Variants in HMCN1 observed in about 807,000 individuals in gnomAD.
HMCN1 encodes the protein hemicentin 1, also known as hemicentin-1.
HMCN1 carries 321 observed loss-of-function variants against 625.9 expected under a neutral mutation model. The observed-to-expected ratio is 0.51, with a 90% CI of 0.47 to 0.56. HMCN1 has a LOEUF of 0.56. Among genes scored for constraint, HMCN1 ranks in the 20% least tolerant of loss-of-function variants. HMCN1 has a pLI of 0.00. For missense variants in HMCN1, 6,588 were observed against 6,887.3 expected (o/e 0.96, Z 1.54); for synonymous variants, 2,425 against 2,417.6 (o/e 1.00, Z -0.09).
At chr1:185,836,535 A>G (rs141998332) in intron 1 of HMCN1, among the ~76,000 whole-genome samples, 1 of 152,094 alleles carries the variant, frequency 6.6e-6, no homozygotes, top group South Asian at 2.1e-4. Flanking sequence ...GTTTTTAACC[A>G]TTTCTCCATT....
intron 68 of HMCN1, among the ~76,000 whole-genome samples, chr1:186,100,916 G>A (rs1348934411): frequency 6.6e-6 from 1 of 152,048 alleles, no homozygotes; most frequent in Non-Finnish European, 1.5e-5. Flanking sequence ...AATAGAGCAG[G>A]AAACTAGGAA....
At chr1:185,951,827 C>G (rs980542348) in intron 11 of HMCN1, among the ~76,000 whole-genome samples, 2 of 151,730 alleles carry the variant, frequency 1.3e-5, no homozygotes, top group Non-Finnish European at 2.9e-5. Context: ...TTTGGAAGTT[C>G]TTGTGTGCTG....
chr1:186,091,325 T>C (rs996102881), intron 64 of HMCN1, among the ~76,000 whole-genome samples: 18 of 152,026 alleles, frequency 1.2e-4, no homozygotes, highest in African/African-American at 4.3e-4. Context: ...ATTCTAGATA[T>C]GATTTTGTAT....
intron 49 of HMCN1, 25 bp from the exon 50 acceptor site, chr1:186,067,809 T>C (rs2102333652): frequency 4.5e-6 from 7 of 1,551,252 alleles, no homozygotes; most frequent in Non-Finnish European, 6.2e-6. Flanking sequence ...CATATATTTC[T>C]TCAACAAATT....
At chr1:185,838,206 T>C (rs1369792260) in intron 1 of HMCN1, among the ~76,000 whole-genome samples, 1 of 152,142 alleles carries the variant, frequency 6.6e-6, no homozygotes, top group Non-Finnish European at 1.5e-5. Context: ...GCAGGTCCAT[T>C]TGAAGCAGAC....
chr1:185,999,104 AT>A (rs1352195983), intron 25 of HMCN1, among the ~76,000 whole-genome samples: 1 of 151,344 alleles, frequency 6.6e-6, no homozygotes, highest in Non-Finnish European at 1.5e-5. Flanking sequence ...TCAATGACAT[AT>A]TCTACATATT....
intron 1 of HMCN1, among the ~76,000 whole-genome samples, chr1:185,772,276 C>T (rs557879623): frequency 2.6e-5 from 4 of 152,094 alleles, no homozygotes; most frequent in Admixed American, 2.6e-4. Context: ...AGTGATTAGA[C>T]CAGATTTGTC....
At chr1:185,954,443 G>A (rs10489717) in intron 11 of HMCN1, among the ~76,000 whole-genome samples, 15,311 of 151,876 alleles carry the variant, frequency 0.1, 2,043 homozygotes, top group African/African-American at 0.31. Context: ...TTGCATAAAC[G>A]TATCACTAGG....
chr1:186,063,100 A>ATATATATATATGTATATATGTATC, intron 48 of HMCN1, among the ~76,000 whole-genome samples: 1 of 127,802 alleles, frequency 7.8e-6, no homozygotes, highest in South Asian at 2.4e-4. Context: ...ATATATATAT[A>ATATATATATATGTATATATGTATC]TATCACATTT....
chr1:186,166,592 A>G (rs533635797), intron 99 of HMCN1, among the ~76,000 whole-genome samples: 71 of 152,350 alleles, frequency 4.7e-4, no homozygotes, highest in African/African-American at 1.6e-3. Flanking sequence ...TGGTCTGATT[A>G]ATCTGTCAGT....
At chr1:186,134,503 T>C (rs1435409122) in intron 86 of HMCN1, among the ~76,000 whole-genome samples, 1 of 152,100 alleles carries the variant, frequency 6.6e-6, no homozygotes, top group Non-Finnish European at 1.5e-5. Flanking sequence ...GTGAGGTTAA[T>C]ATAAACATCA....
At chr1:185,851,716 TA>T (rs1446949035) in intron 2 of HMCN1, among the ~76,000 whole-genome samples, 3 of 152,044 alleles carry the variant, frequency 2.0e-5, no homozygotes, top group African/African-American at 7.2e-5. Flanking sequence ...TAGAAAATGG[TA>T]TTGGCAGTGA....
chr1:186,150,236 T>C (rs1487026866), intron 93 of HMCN1, among the ~76,000 whole-genome samples: 1 of 152,232 alleles, frequency 6.6e-6, no homozygotes, highest in Non-Finnish European at 1.5e-5. Context: ...TGCTTTAAAA[T>C]GTATTAAAAT....
chr1:186,026,492 C>T (rs559438336), intron 36 of HMCN1, among the ~76,000 whole-genome samples: 3 of 152,238 alleles, frequency 2.0e-5, no homozygotes, highest in Admixed American at 2.0e-4. Flanking sequence ...TTCGAATGCT[C>T]CCAAAGTATT....
chr1:186,130,062 T>C lies in HMCN1; in HGVS notation c.13001T>C (p.Val4334Ala), dbSNP rs750135200. 1.8e-5 allele frequency: 29 copies of C among 1,613,286 alleles called. No homozygotes were observed. Among genetic ancestry groups the C allele is most frequent in the Non-Finnish European group, 2.1e-5 (25 of 1,179,422 alleles). The stretch of plus-strand genomic sequence containing the variant: ...TATGTGTGCACCGCAGAGAACAGCG[T>C]TGGCTTTGTGAAGGCAATTGGATTT... ...GTYVCTAENSVGFVKAIGFVY... is the reference protein window; with the variant it reads ...GTYVCTAENSAGFVKAIGFVY... The change falls in exon 84 of 107, where the codon GTT (valine) becomes GCT (alanine). Residue 4334 changes from valine to alanine, a missense_variant. By Grantham distance (64) the Val-to-Ala change is moderately conservative. Around this residue, in one of 3 missense-constraint regions of HMCN1, gnomAD observed 1,954 missense variants for 2,013.1 expected, o/e 0.97. Coordinates refer to ENST00000271588, the MANE Select transcript of HMCN1 (RefSeq NM_031935.3).
chr1:185,972,346 C>T (rs1650890954), intron 15 of HMCN1, among the ~76,000 whole-genome samples: 1 of 152,144 alleles, frequency 6.6e-6, no homozygotes, highest in Non-Finnish European at 1.5e-5. Context: ...TTCCAGATTC[C>T]TTCTTCCATC....
At chr1:185,958,950 A>C (rs1281322476) in intron 11 of HMCN1, among the ~76,000 whole-genome samples, 1 of 152,182 alleles carries the variant, frequency 6.6e-6, no homozygotes, top group Non-Finnish European at 1.5e-5. Flanking sequence ...TACTAGAAAG[A>C]GATTTAGTTC....
intron 82 of HMCN1, among the ~76,000 whole-genome samples, chr1:186,126,530 A>G (rs1661654847): frequency 6.6e-6 from 1 of 152,106 alleles, no homozygotes; most frequent in African/African-American, 2.4e-5. Context: ...TACAGTTGTA[A>G]ATAGGGTAGT....
intron 35 of HMCN1, among the ~76,000 whole-genome samples, chr1:186,020,073 C>T (rs1654618868): frequency 2.0e-5 from 3 of 151,800 alleles, no homozygotes; most frequent in African/African-American, 7.3e-5. Context: ...ATGTAGGTAA[C>T]ATAAGTCTTG....
Sources: gnomAD v4.1 joint callset for allele counts (sites outside exome capture counted in the v4.1 genomes callset) on GRCh38, gnomAD v4.1.1 for gene constraint, gnomAD v4.1.1 regional missense constraint, MANE v1.5 for transcripts, NCBI Gene and HGNC (gene_info 2026-07-23, HGNC 2026-07-21) for gene names.